The following KCNH8 variants were observed in gnomAD, a reference collection of about 807,000 sequenced individuals.
The protein encoded by KCNH8 is potassium voltage-gated channel subfamily H member 8, also known as voltage-gated delayed rectifier potassium channel KCNH8.
KCNH8 carries 70 observed loss-of-function variants against 103.6 expected under a neutral mutation model. That is an observed-to-expected ratio of 0.68 (90% CI 0.56 to 0.82). The LOEUF (loss-of-function observed/expected upper bound fraction) is 0.82, where lower values mean the gene tolerates loss of function less well. KCNH8 is among the 40% of genes least tolerant of loss of function. The pLI is 0.00. For missense variants in KCNH8, 1,217 were observed against 1,329.9 expected, an observed-to-expected ratio of 0.92 and a Z score of 1.32; for synonymous variants, 498 against 489.4, an observed-to-expected ratio of 1.02 and a Z score of -0.23.
chr3:19,281,542 C>T (rs995591860), intron 3 of KCNH8, among the ~76,000 whole-genome samples: 1 of 151,994 alleles, frequency 6.6e-6, no homozygotes, highest in African/African-American at 2.4e-5. Context: ...TTGACAGGAA[C>T]TAGAAGTTCA....
At chr3:19,518,167 C>A in intron 15 of KCNH8, 93 bp downstream of exon 15, 1 of 940,720 alleles carries the variant, frequency 1.1e-6, no homozygotes, top group East Asian at 2.5e-5. Flanking sequence ...TAGTTACAAG[C>A]ATGCATTCCA....
chr3:19,152,341 A>G (rs967943699), intron 1 of KCNH8, among the ~76,000 whole-genome samples: 1 of 152,164 alleles, frequency 6.6e-6, no homozygotes, highest in Non-Finnish European at 1.5e-5. Context: ...ACAGGATACC[A>G]TTTGAGAAAA....
At chr3:19,379,802 T>TA (rs1414187948) in intron 5 of KCNH8, among the ~76,000 whole-genome samples, 6 of 152,182 alleles carry the variant, frequency 3.9e-5, no homozygotes, top group African/African-American at 1.4e-4. Flanking sequence ...AGCTTAGGCT[T>TA]ATAGTTTGTG....
chr3:19,458,735 T>G (rs2067573732), intron 11 of KCNH8, among the ~76,000 whole-genome samples: 2 of 151,950 alleles, frequency 1.3e-5, no homozygotes, highest in South Asian at 4.1e-4. Flanking sequence ...TTAAGCAACG[T>G]CTTTCTAATC....
chr3:19,219,407 C>T (rs564908223), intron 1 of KCNH8, among the ~76,000 whole-genome samples: 42 of 151,968 alleles, frequency 2.8e-4, no homozygotes, highest in Non-Finnish European at 5.0e-4. Flanking sequence ...GAGTGTAAGC[C>T]CTCTGAGGGG....
chr3:19,350,322 A>G (rs568555524), intron 5 of KCNH8, among the ~76,000 whole-genome samples: 97 of 152,180 alleles, frequency 6.4e-4, no homozygotes, highest in Non-Finnish European at 1.2e-3. Context: ...ACCATTTAAT[A>G]TTTATTAAAT....
intron 7 of KCNH8, among the ~76,000 whole-genome samples, chr3:19,403,338 C>G (rs1283864131): frequency 7.1e-6 from 1 of 141,172 alleles, no homozygotes; most frequent in Non-Finnish European, 1.6e-5. Flanking sequence ...TTCTGTTCCC[C>G]CCCATGAAAT....
intron 11 of KCNH8, among the ~76,000 whole-genome samples, chr3:19,502,994 T>C (rs1391648672): frequency 3.9e-5 from 6 of 151,924 alleles, no homozygotes; most frequent in Admixed American, 2.0e-4. Context: ...ACAGGCAACC[T>C]ACAAAATGGG....
At chr3:19,291,947 G>T (rs1335290026) in intron 3 of KCNH8, among the ~76,000 whole-genome samples, 4 of 152,024 alleles carry the variant, frequency 2.6e-5, no homozygotes, top group Admixed American at 6.6e-5. Flanking sequence ...TTAATTAATT[G>T]TATTCAATTG....
intron 7 of KCNH8, among the ~76,000 whole-genome samples, chr3:19,415,019 C>G (rs1226260605): frequency 2.6e-5 from 4 of 151,732 alleles, no homozygotes; most frequent in Non-Finnish European, 5.9e-5. Context: ...CCCTCTTTCT[C>G]TCCTCTACTA....
intron 1 of KCNH8, among the ~76,000 whole-genome samples, chr3:19,176,244 T>C (rs1293896405): frequency 6.6e-6 from 1 of 152,172 alleles, no homozygotes; most frequent in African/African-American, 2.4e-5. Context: ...CAGCTTCTTA[T>C]TTGAAAGTAA....
chr3:19,331,639 G>T (rs1045184352), intron 3 of KCNH8, among the ~76,000 whole-genome samples: 1 of 152,058 alleles, frequency 6.6e-6, no homozygotes, highest in Non-Finnish European at 1.5e-5. Flanking sequence ...GTATTTATGG[G>T]ATGCATAAGA....
intron 1 of KCNH8, among the ~76,000 whole-genome samples, chr3:19,188,848 T>A (rs1196405636): frequency 6.6e-6 from 1 of 152,050 alleles, no homozygotes; most frequent in African/African-American, 2.4e-5. Context: ...CTTGCTATGT[T>A]GCCCAGACTG....
chr3:19,521,121 C>T (rs2068964340), intron 15 of KCNH8, among the ~76,000 whole-genome samples: 2 of 151,918 alleles, frequency 1.3e-5, no homozygotes, highest in South Asian at 4.1e-4. Flanking sequence ...AAGTCAAATG[C>T]TCCACTTCTG....
rs528381167 is a variant in KCNH8 at position 19,529,411 on chromosome 3, T to A, written c.2620-3984T>A. On this transcript the variant is annotated intron_variant, in intron 15 of 15. Coordinates refer to ENST00000328405, the MANE Select transcript of KCNH8 (RefSeq NM_144633.3). ...ACAACGTGCAGGTTTGTTACATATGTACACATGTCTTCTTGAGTGGACAGA... is the reference window on the plus strand; with the variant it reads ...ACAACGTGCAGGTTTGTTACATATGAACACATGTCTTCTTGAGTGGACAGA... 1.5e-4 allele frequency among the ~76,000 whole-genome samples: 23 copies of A among 152,326 alleles called. No individual in the cohort carries two copies. In the East Asian group the frequency reaches 4.2e-3, roughly 28 times the overall value.
chr3:19,209,557 A>T (rs1053571521), intron 1 of KCNH8, among the ~76,000 whole-genome samples: 4 of 152,110 alleles, frequency 2.6e-5, no homozygotes, highest in Non-Finnish European at 5.9e-5. Context: ...ATTGTAAAGC[A>T]TTCAAACCAG....
chr3:19,221,948 A>G (rs1454385129), intron 1 of KCNH8, among the ~76,000 whole-genome samples: 1 of 152,012 alleles, frequency 6.6e-6, no homozygotes, highest in Non-Finnish European at 1.5e-5. Flanking sequence ...CCCAGGTTCA[A>G]GCGATTCGCC....
At chr3:19,490,534 G>C (rs368167125) in intron 11 of KCNH8, among the ~76,000 whole-genome samples, 19 of 152,216 alleles carry the variant, frequency 1.2e-4, no homozygotes, top group African/African-American at 4.6e-4. Flanking sequence ...GTAATCTATA[G>C]ATAATATAAC....
intron 11 of KCNH8, among the ~76,000 whole-genome samples, chr3:19,484,430 A>G (rs2068160391): frequency 6.6e-6 from 1 of 152,204 alleles, no homozygotes. Context: ...ACAAGTCCAA[A>G]TTATAAGGAA....
Sources: gnomAD v4.1 joint callset for allele counts (sites outside exome capture counted in the v4.1 genomes callset) on GRCh38, gnomAD v4.1.1 for gene constraint, MANE v1.5 for transcripts, NCBI Gene and HGNC (gene_info 2026-07-23, HGNC 2026-07-21) for gene names.